The following FBXO6 variants were observed in gnomAD, a reference collection of about 807,000 sequenced individuals.
The protein encoded by FBXO6 is F-box protein 6.
In FBXO6, 13 loss-of-function variants were observed where a neutral mutation model predicts 25.0. That is an observed-to-expected ratio of 0.52 (90% CI 0.34 to 0.83). The LOEUF is 0.83. Ranked by LOEUF, FBXO6 falls within the 40% of genes least tolerant of loss-of-function variation. The probability of loss-of-function intolerance (pLI) is 0.02; values close to 1 mark genes in which losing one functional copy is unlikely to be tolerated. For missense variants in FBXO6, 370 were observed against 380.2 expected (o/e 0.97, Z 0.22); for synonymous variants, 138 against 155.3 (o/e 0.89, Z 0.83).
At chr1:11,670,179 C>T (rs1450803206) in intron 2 of FBXO6, among the ~76,000 whole-genome samples, 8 of 150,282 alleles carry the variant, frequency 5.3e-5, no homozygotes, top group Admixed American at 1.3e-4. Context: ...CGCCACTGCA[C>T]TCCAGCCTGG....
chr1:11,668,880 C>G lies in FBXO6; in HGVS notation c.222C>G (p.Asp74Glu). Residue 74 changes from aspartate to glutamate, a missense_variant, in exon 2 of 6, where the codon GAC becomes GAG. By Grantham distance (45) the Asp-to-Glu change is conservative (BLOSUM62 2). Coordinates refer to ENST00000376753, the MANE Select transcript of FBXO6 (RefSeq NM_018438.6). ...AGGACTGGGACCAGCCCGTGGCCGA[C>G]TGGAAAATCTTCTACTTCCTACGGA... The part of the protein sequence containing the change: ...ITKDWDQPVA[D>E]WKIFYFLRSL... The G allele has an allele frequency of 6.2e-7, 1 of 1,614,184 alleles. No individual in the cohort carries two copies. Among genetic ancestry groups the G allele is most frequent in the Non-Finnish European group, 8.5e-7 (1 of 1,180,030 alleles).
intron 2 of FBXO6, among the ~76,000 whole-genome samples, chr1:11,669,776 A>G (rs2100693379): frequency 6.7e-6 from 1 of 149,540 alleles, no homozygotes; most frequent in South Asian, 2.1e-4. Context: ...AGTTGGGATT[A>G]CAGGCGCCCA....
rs1239831076 is a variant in FBXO6, at chr1:11,669,688, GTATA to G, written c.286+749_286+752del. Among the ~76,000 whole-genome samples, 220 of 106,334 alleles carry G rather than the reference GTATA, an allele frequency of 2.1e-3. 1 individual carries two copies. Among genetic ancestry groups the G allele is most frequent in the African/African-American group, 9.0e-3 (203 of 22,448 alleles). 69.8% of individuals were successfully genotyped at this position (106,334 alleles called of 152,430 possible). On this transcript the variant is annotated intron_variant, in intron 2 of 5. Transcript: ENST00000376753. Reference sequence around the variant, plus strand: ...CATGTATATATGTACACATATATACGTATATATACATATGTATACATATATGTGT... The same window carrying G: ...CATGTATATATGTACACATATATACGTATACATATGTATACATATATGTGT...
rs144548369 is a variant in FBXO6 at position 11,668,878 on chromosome 1, G to A, written c.220G>A (p.Asp74Asn). The change falls in exon 2 of 6, where the codon GAC (aspartate) becomes AAC (asparagine). Residue 74 changes from aspartate (D) to asparagine (N), a missense_variant. Transcript: ENST00000376753. The stretch of plus-strand genomic sequence containing the variant: ...CAAGGACTGGGACCAGCCCGTGGCC[G>A]ACTGGAAAATCTTCTACTTCCTACG... The part of the protein sequence containing the change: ...ITKDWDQPVA[D>N]WKIFYFLRSL... 34 of 1,613,996 alleles carry A rather than the reference G, an allele frequency of 2.1e-5. No individual in the cohort carries two copies. Among genetic ancestry groups the A allele is most frequent in the East Asian group, 1.3e-4 (6 of 44,884 alleles).
intron 2 of FBXO6, among the ~76,000 whole-genome samples, chr1:11,670,249 G>C (rs1185264294): frequency 6.6e-6 from 1 of 150,882 alleles, no homozygotes; most frequent in African/African-American, 2.4e-5. Context: ...GATTGCCTGG[G>C]CAGCGCCAGT....
At chr1:11,671,812 G>A (rs1640622892) in intron 3 of FBXO6, 116 bp from the exon 4 acceptor site, 1 of 907,212 alleles carries the variant, frequency 1.1e-6, no homozygotes, top group Non-Finnish European at 1.8e-6. Context: ...CGGCCAAGGG[G>A]TACCCTAGGT....
chr1:11,669,949 AC>A (rs1640569846), intron 2 of FBXO6, among the ~76,000 whole-genome samples: 1 of 138,576 alleles, frequency 7.2e-6, no homozygotes, highest in Non-Finnish European at 1.6e-5. Flanking sequence ...GCGGTGGCTC[AC>A]GCCTGTAATC....
At chr1:11,664,314 G>A (rs1283456851) in intron 1 of FBXO6, 59 bp downstream of exon 1, 1 of 152,022 alleles carries the variant, frequency 6.6e-6, no homozygotes, top group Non-Finnish European at 1.5e-5. Context: ...AGCGGGGTCC[G>A]GGGCGGGGGT....
intron 3 of FBXO6, 21 bp from the exon 4 acceptor site, chr1:11,671,893 ACCCAGGTATGCAAG>A: frequency 1.9e-6 from 3 of 1,575,144 alleles, no homozygotes; most frequent in Non-Finnish European, 2.6e-6. Flanking sequence ...TGCAGAGCAC[ACCCAGGTATGCAAG>A]CCCCCAACTC....
chr1:11,665,205 T>C (rs961477444), intron 1 of FBXO6, among the ~76,000 whole-genome samples: 1 of 136,076 alleles, frequency 7.3e-6, no homozygotes, highest in African/African-American at 2.8e-5. Context: ...CCACCAGGCC[T>C]AGCTAATTTC....
At chr1:11,664,887 G>A (rs866731924) in intron 1 of FBXO6, among the ~76,000 whole-genome samples, 3 of 151,314 alleles carry the variant, frequency 2.0e-5, no homozygotes, top group African/African-American at 4.8e-5. Flanking sequence ...GCCCAGGGCC[G>A]GGGGGGGGAA....
intron 2 of FBXO6, among the ~76,000 whole-genome samples, chr1:11,669,547 C>T (rs1219825024): frequency 6.6e-6 from 1 of 151,280 alleles, no homozygotes; most frequent in East Asian, 1.9e-4. Context: ...GCCAAATGGA[C>T]CTTGTTTGCC....
intron 1 of FBXO6, 79 bp downstream of exon 1, chr1:11,664,334 G>A (rs1481292536): frequency 6.6e-6 from 1 of 151,938 alleles, no homozygotes; most frequent in African/African-American, 2.4e-5. Flanking sequence ...TGGGGACCGA[G>A]CGCAGCGCGT....
rs989683885 is a variant in FBXO6 at position 11,674,228 on chromosome 1, C to T, written c.*377C>T. On this transcript the variant is annotated 3_prime_UTR_variant, in exon 6 of 6. Transcript: ENST00000376753. This position sits in a 1 kb window ranked among gnomAD's most constrained non-coding sequence, Gnocchi z 6.1. The stretch of plus-strand genomic sequence containing the variant: ...CTGATGCAGAAGAATGGCGTGAACC[C>T]GGAAGGCAGAGCTTGCAGTGAGCCG... The T allele has an allele frequency of 3.9e-5, 9 of 228,962 alleles. No individual in the cohort carries two copies. The highest frequency in any genetic ancestry group is 2.0e-4 in the Admixed American group (4 of 20,492). 14.2% of individuals were successfully genotyped at this position (228,962 alleles called of 1,614,324 possible).
intron 1 of FBXO6, among the ~76,000 whole-genome samples, chr1:11,668,239 C>A (rs974304939): frequency 6.6e-6 from 1 of 152,064 alleles, no homozygotes; most frequent in African/African-American, 2.4e-5. Context: ...TAAAATTAAG[C>A]AATTTTTTTT....
chr1:11,672,757 C>A (rs1271877071), intron 4 of FBXO6, among the ~76,000 whole-genome samples: 1 of 152,210 alleles, frequency 6.6e-6, no homozygotes, highest in Non-Finnish European at 1.5e-5. Context: ...CAGGCTCTGG[C>A]TTGGCCGGTG....
At position 11,673,363 on chromosome 1, in the gene FBXO6, A is replaced by C. The variant is rs745901399; in HGVS notation, c.596A>C (p.Glu199Ala). ...GACTACTTCGTGTTGGCCTCCTTCG[A>C]GCCCCCACCTGTGACCATCCAACAG... ...SADYFVLASF[E>A]PPPVTIQQWN... The change falls in exon 5 of 6, where the codon GAG (glutamate) becomes GCG (alanine). Residue 199 changes from glutamate to alanine, a missense_variant. Physicochemically the swap from Glu to Ala is moderately radical, Grantham distance 107. Transcript: ENST00000376753. The surrounding 1 kb of genome is among the most constrained non-coding windows in gnomAD (Gnocchi z 4.3). 2 of 1,613,970 alleles carry C rather than the reference A, an allele frequency of 1.2e-6. No homozygotes were observed. The highest frequency in any genetic ancestry group is 1.7e-6 in the Non-Finnish European group (2 of 1,180,002).
Position 11,673,129 on chromosome 1 carries a change from G to C in FBXO6, c.510-148G>C, listed in dbSNP as rs933725038. ...CCCGGGCCACAGTGGGGCATAGGGA[G>C]CGCTGAAGCCAGCTGGGCCTTGCAG... On this transcript the variant is annotated intron_variant, in intron 4 of 5. Transcript: ENST00000376753. This position sits in a 1 kb window ranked among gnomAD's most constrained non-coding sequence, Gnocchi z 4.3. The C allele has an allele frequency of 1.6e-5, 15 of 930,956 alleles. No individual in the cohort carries two copies. The South Asian group carries it at 2.7e-4, about 17-fold the overall frequency. The allele number at this position is 930,956 out of a possible 1,614,324, so 57.7% of individuals were successfully genotyped here.
chr1:11,673,625 CCTT>C lies in FBXO6; in HGVS notation c.659_661del (p.Phe220del), dbSNP rs769914882. The C allele has an allele frequency of 1.9e-6, 3 of 1,613,992 alleles. No individual in the cohort carries two copies. In the South Asian group the frequency reaches 3.3e-5, roughly 18 times the overall value. On this transcript the variant is annotated inframe_deletion, in exon 6 of 6. Transcript: ENST00000376753. This position sits in a 1 kb window ranked among gnomAD's most constrained non-coding sequence, Gnocchi z 4.3. ...CCTTCCTCCCAACAGGTCTCCTACA[CCTT>C]CTCAGACTACCCCCGGGGTGTCCGC... is the stretch of plus-strand genomic sequence containing the variant.
Sources: gnomAD v4.1 joint callset for allele counts (sites outside exome capture counted in the v4.1 genomes callset) on GRCh38, gnomAD v4.1.1 for gene constraint, Gnocchi (gnomAD v3.1) non-coding constraint, MANE v1.5 for transcripts, NCBI Gene and HGNC (gene_info 2026-07-23, HGNC 2026-07-21) for gene names.